Variants in CPS1 observed in about 807,000 individuals in gnomAD.
CPS1 encodes carbamoyl-phosphate synthase [ammonia], mitochondrial.
A neutral mutation model predicts 174.6 loss-of-function variants in CPS1; 109 were observed. That is an observed-to-expected ratio of 0.62 (90% CI 0.53 to 0.73). CPS1 has a LOEUF of 0.73. Ranked by LOEUF, CPS1 falls within the 30% of genes least tolerant of loss-of-function variation. CPS1 has a pLI of 0.00. For missense variants in CPS1, 1,689 were observed against 1,821.9 expected, an observed-to-expected ratio of 0.93 and a Z score of 1.33; for synonymous variants, 637 against 632.0, an observed-to-expected ratio of 1.01 and a Z score of -0.12.
At chr2:210,658,883 C>G (rs1700814027) in intron 31 of CPS1, among the ~76,000 whole-genome samples, 195 bp downstream of exon 31, 1 of 152,162 alleles carries the variant, frequency 6.6e-6, no homozygotes, top group Non-Finnish European at 1.5e-5. Context: ...ATTGGTGGCA[C>G]TGATAAGTCA....
intron 1 of CPS1, among the ~76,000 whole-genome samples, chr2:210,518,062 A>C (rs974819940): frequency 2.6e-5 from 4 of 152,046 alleles, no homozygotes; most frequent in Admixed American, 1.3e-4. Flanking sequence ...CATATAGTTT[A>C]AGAACCATAT....
At chr2:210,640,312 CT>C (rs978105049) in intron 24 of CPS1, among the ~76,000 whole-genome samples, 102 of 152,218 alleles carry the variant, frequency 6.7e-4, no homozygotes, top group Non-Finnish European at 2.1e-4. Context: ...AATTTTCATC[CT>C]TTTTAACTGA....
At chr2:210,629,407 C>G (rs201242701) in intron 21 of CPS1, among the ~76,000 whole-genome samples, 3 of 151,918 alleles carry the variant, frequency 2.0e-5, no homozygotes, top group East Asian at 3.9e-4. Flanking sequence ...GTCCGCCTCC[C>G]GGGTTCACGC....
chr2:210,630,299 A>G (rs751010755), intron 21 of CPS1, among the ~76,000 whole-genome samples: 2 of 152,192 alleles, frequency 1.3e-5, no homozygotes, highest in Non-Finnish European at 2.9e-5. Flanking sequence ...GTCATTAAAG[A>G]TTAGCAAAAA....
chr2:210,641,015 T>G (rs1700206694), intron 24 of CPS1, among the ~76,000 whole-genome samples: 1 of 152,202 alleles, frequency 6.6e-6, no homozygotes, highest in Non-Finnish European at 1.5e-5. Context: ...GGTCTCTGCT[T>G]CTAAGATGGC....
At chr2:210,611,423 G>C (rs73073593) in intron 19 of CPS1, among the ~76,000 whole-genome samples, 1 of 151,826 alleles carries the variant, frequency 6.6e-6, no homozygotes, top group Non-Finnish European at 1.5e-5. Flanking sequence ...AAAATAACTG[G>C]GTAGGTTGCA....
intron 1 of CPS1, among the ~76,000 whole-genome samples, chr2:210,478,795 C>G (rs902645653): frequency 6.6e-6 from 1 of 151,936 alleles, no homozygotes; most frequent in Non-Finnish European, 1.5e-5. Context: ...GTGAAGCATG[C>G]GTCTAAACGG....
chr2:210,483,503 A>G (rs1293171074), intron 1 of CPS1, among the ~76,000 whole-genome samples: 1 of 152,136 alleles, frequency 6.6e-6, no homozygotes, highest in Admixed American at 6.5e-5. Flanking sequence ...CTGACTTGAG[A>G]GCCAATATGC....
At chr2:210,479,329 CTTT>C (rs11299389) in intron 1 of CPS1, among the ~76,000 whole-genome samples, 7 of 122,388 alleles carry the variant, frequency 5.7e-5, no homozygotes, top group Non-Finnish European at 5.2e-5. Flanking sequence ...ATCATTCTTT[CTTT>C]TTTTTTTTTT....
intron 14 of CPS1, 54 bp downstream of exon 14, chr2:210,599,615 T>C: frequency 6.5e-7 from 1 of 1,547,914 alleles, no homozygotes; most frequent in South Asian, 1.1e-5. Flanking sequence ...TGCTGTGTAA[T>C]GTATTTTATT....
intron 1 of CPS1, among the ~76,000 whole-genome samples, chr2:210,563,974 T>C (rs1697195102): frequency 6.6e-6 from 1 of 152,318 alleles, no homozygotes; most frequent in Admixed American, 6.5e-5. Flanking sequence ...GACTGAGTAT[T>C]AAAGGGTAAA....
chr2:210,661,174 C>G (rs1303891897), intron 32 of CPS1, among the ~76,000 whole-genome samples: 2 of 152,088 alleles, frequency 1.3e-5, no homozygotes, highest in Non-Finnish European at 2.9e-5. Context: ...ATTGATGACA[C>G]CTTTATAAAG....
intron 1 of CPS1, among the ~76,000 whole-genome samples, chr2:210,511,746 T>C (rs1221198107): frequency 6.6e-6 from 1 of 152,090 alleles, no homozygotes; most frequent in African/African-American, 2.4e-5. Context: ...CAGATCCACC[T>C]GGTTGAGGGT....
chr2:210,530,342 A>G (rs759271648), intron 1 of CPS1, among the ~76,000 whole-genome samples: 3 of 152,116 alleles, frequency 2.0e-5, no homozygotes, highest in Non-Finnish European at 4.4e-5. Flanking sequence ...ATTGATTTTT[A>G]ATACTTTATA....
chr2:210,516,891 TC>T (rs1463586838), intron 1 of CPS1, among the ~76,000 whole-genome samples: 2 of 152,018 alleles, frequency 1.3e-5, no homozygotes, highest in Non-Finnish European at 2.9e-5. Context: ...CCAATTCATC[TC>T]TTTACCACAT....
At chr2:210,661,837 G>T (rs1281455400) in intron 32 of CPS1, among the ~76,000 whole-genome samples, 1 of 150,322 alleles carries the variant, frequency 6.7e-6, no homozygotes, top group African/African-American at 2.5e-5. Context: ...ATAGGAGTAT[G>T]CTTATTTCTT....
At chr2:210,628,460 A>C (rs1163716813) in intron 21 of CPS1, among the ~76,000 whole-genome samples, 1 of 152,144 alleles carries the variant, frequency 6.6e-6, no homozygotes, top group African/African-American at 2.4e-5. Context: ...TCCTTCAAGA[A>C]CTAGAAAAAT....
intron 1 of CPS1, among the ~76,000 whole-genome samples, chr2:210,480,994 T>C (rs1332636517): frequency 6.6e-6 from 1 of 152,226 alleles, no homozygotes; most frequent in Non-Finnish European, 1.5e-5. Flanking sequence ...TTTAATTTCC[T>C]GGAGACAGTA....
chr2:210,656,729 A>C (rs981057168), intron 30 of CPS1, 97 bp downstream of exon 30: 215 of 838,212 alleles, frequency 2.6e-4, no homozygotes, highest in Admixed American at 3.8e-4. Context: ...TAGCAATGTA[A>C]GATATGCTGC....
Sources: allele counts gnomAD v4.1 joint callset (sites outside exome capture counted in the v4.1 genomes callset), GRCh38; gene constraint gnomAD v4.1.1; transcripts MANE v1.5; gene names NCBI Gene and HGNC (gene_info 2026-07-23, HGNC 2026-07-21).